The following PIKFYVE variants were observed in gnomAD, a reference collection of about 807,000 sequenced individuals.
PIKFYVE encodes 1-phosphatidylinositol 3-phosphate 5-kinase.
In PIKFYVE, 122 loss-of-function variants were observed where a neutral mutation model predicts 257.9. That is an observed-to-expected ratio of 0.47 (90% confidence interval 0.41 to 0.55). PIKFYVE has a LOEUF of 0.55. PIKFYVE is among the 20% of genes least tolerant of loss of function. PIKFYVE has a pLI of 0.00. For synonymous variants in PIKFYVE, 892 were observed against 868.9 expected (o/e 1.03, Z -0.47); for missense variants, 2,160 against 2,536.6 (o/e 0.85, Z 3.19).
chr2:208,270,729 A>G (rs1689310373), intron 1 of PIKFYVE, among the ~76,000 whole-genome samples: 1 of 152,278 alleles, frequency 6.6e-6, no homozygotes, highest in Non-Finnish European at 1.5e-5. Flanking sequence ...TTTTTATATT[A>G]CTTTTTAAAA....
chr2:208,285,255 C>T (rs951855185), intron 5 of PIKFYVE, among the ~76,000 whole-genome samples: 1 of 152,000 alleles, frequency 6.6e-6, no homozygotes, highest in Admixed American at 6.6e-5. Flanking sequence ...GTTACCATGC[C>T]CGGCTAATTT....
intron 3 of PIKFYVE, among the ~76,000 whole-genome samples, chr2:208,275,358 A>G (rs958064724): frequency 1.3e-5 from 2 of 152,216 alleles, no homozygotes; most frequent in Admixed American, 1.3e-4. Flanking sequence ...CTACTTTCTT[A>G]TATTCCTAAT....
intron 3 of PIKFYVE, among the ~76,000 whole-genome samples, chr2:208,274,776 T>C (rs527527230): frequency 1.6e-4 from 24 of 151,818 alleles, no homozygotes; most frequent in Admixed American, 3.3e-4. Context: ...TTTTAACTTT[T>C]AACCTCAATA....
At chr2:208,283,018 T>G (rs1691036359) in intron 5 of PIKFYVE, among the ~76,000 whole-genome samples, 1 of 152,182 alleles carries the variant, frequency 6.6e-6, no homozygotes, top group African/African-American at 2.4e-5. Flanking sequence ...AATGCCCGTT[T>G]GTGTATGGCT....
rs755270024 is a variant in PIKFYVE, at chr2:208,330,577, T to C, written c.3846T>C (p.Ile1282=). 3.1e-6 allele frequency: 5 copies of C among 1,614,214 alleles called. No individual in the cohort carries two copies. The highest frequency in any genetic ancestry group is 4.2e-6 in the Non-Finnish European group (5 of 1,180,046). The change falls in exon 23 of 42, where the codon ATT becomes ATC. Residue 1282 remains isoleucine (I), a synonymous_variant. Transcript: ENST00000264380. ...GTGATACCCCCATGGTACATCATAT[T>C]CGGCGCTTTGTTCATGGCCAAGGCT... is the stretch of plus-strand genomic sequence containing the variant. The part of the protein sequence containing the change: ...MFCDTPMVHH[I]RRFVHGQGCV...
At chr2:208,272,901 A>G (rs1180313905) in intron 2 of PIKFYVE, among the ~76,000 whole-genome samples, 1 of 152,188 alleles carries the variant, frequency 6.6e-6, no homozygotes, top group Non-Finnish European at 1.5e-5. Context: ...AACATTTTAC[A>G]TTAGTCTGGT....
chr2:208,353,768 T>G, intron 39 of PIKFYVE, 130 bp from the exon 40 acceptor site: 1 of 1,069,162 alleles, frequency 9.4e-7, no homozygotes. Flanking sequence ...GATTCAATTT[T>G]CAGTTAAACT....
rs1336592118 is a variant in PIKFYVE, at chr2:208,350,752, A to T, written c.5435-19A>T. The T allele has an allele frequency of 6.2e-7, 1 of 1,613,500 alleles. No individual in the cohort carries two copies. Among genetic ancestry groups the T allele is most frequent in the East Asian group, 2.2e-5 (1 of 44,898 alleles). On this transcript the variant is annotated intron_variant, in intron 36 of 41. Transcript: ENST00000264380. ...TTCTGAGTCATAAAGCTTTTTAAAA[A>T]AACTTCTGTTGTTTATAGAATTTTC...
chr2:208,306,788 T>TC (rs1384023061), intron 12 of PIKFYVE, among the ~76,000 whole-genome samples: 1,544 of 69,300 alleles, frequency 0.022, 21 homozygotes, highest in African/African-American at 0.06. Context: ...TTTTTTTTTT[T>TC]TTTCTAAGAG....
At chr2:208,269,391 A>G (rs552609574) in intron 1 of PIKFYVE, 24 of 223,978 alleles carry the variant, frequency 1.1e-4, no homozygotes, top group South Asian at 7.5e-4. Context: ...TGCTGTCCTC[A>G]TGTCCTGCCA....
At chr2:208,323,132 T>A (rs1341479075) in intron 17 of PIKFYVE, among the ~76,000 whole-genome samples, 5 of 151,296 alleles carry the variant, frequency 3.3e-5, no homozygotes, top group Non-Finnish European at 7.4e-5. Flanking sequence ...TAGTATACTT[T>A]AAGTTTTAGG....
At chr2:208,317,743 A>AT in intron 15 of PIKFYVE, 124 bp from the exon 16 acceptor site, 2 of 894,028 alleles carry the variant, frequency 2.2e-6, no homozygotes, top group Non-Finnish European at 1.8e-6. Context: ...ATTTCCTGAA[A>AT]TTTTTTGTTC....
chr2:208,297,808 C>T (rs749771189), intron 7 of PIKFYVE, among the ~76,000 whole-genome samples: 1 of 149,728 alleles, frequency 6.7e-6, no homozygotes, highest in Admixed American at 6.6e-5. Flanking sequence ...TCTAGTTACC[C>T]TTTCTTTTAA....
chr2:208,276,439 C>T (rs1690117777), intron 3 of PIKFYVE, among the ~76,000 whole-genome samples: 2 of 152,130 alleles, frequency 1.3e-5, no homozygotes, highest in African/African-American at 4.8e-5. Context: ...AGTGATGTTC[C>T]CATTCCAGGC....
chr2:208,347,867 G>A lies in PIKFYVE; in HGVS notation c.5218G>A (p.Ala1740Thr), dbSNP rs751508692. The A allele has an allele frequency of 6.2e-7, 1 of 1,612,696 alleles. No homozygotes were observed. Among genetic ancestry groups the A allele is most frequent in the South Asian group, 1.1e-5 (1 of 91,020 alleles). Residue 1740 changes from alanine (A) to threonine (T), a missense_variant, in exon 35 of 42, where the codon GCT becomes ACT. Physicochemically the swap from Ala to Thr is moderately conservative, Grantham distance 58. Coordinates refer to ENST00000264380, the MANE Select transcript of PIKFYVE (RefSeq NM_015040.4). ...TTACTTCTTATTTTTAGCCAAAAAG[G>A]CTTCTGGAATGTTGTCCTTCTTCAG... ...TETEPQPTKK[A>T]SGMLSFFRGT...
At chr2:208,340,256 A>G in intron 31 of PIKFYVE, 125 bp downstream of exon 31, 1 of 1,249,124 alleles carries the variant, frequency 8.0e-7, no homozygotes, top group Non-Finnish European at 1.1e-6. Flanking sequence ...TCATTTTAGT[A>G]AAAGAGATGT....
intron 7 of PIKFYVE, among the ~76,000 whole-genome samples, chr2:208,289,249 T>TG (rs1691982549): frequency 6.6e-6 from 1 of 152,184 alleles, no homozygotes; most frequent in Non-Finnish European, 1.5e-5. Flanking sequence ...CTGAGTGAGA[T>TG]GGGAAGCTGT....
intron 1 of PIKFYVE, among the ~76,000 whole-genome samples, chr2:208,267,658 C>T (rs1688833501): frequency 6.6e-6 from 1 of 152,028 alleles, no homozygotes; most frequent in Non-Finnish European, 1.5e-5. Flanking sequence ...AGGCGCGCGA[C>T]ACCACACTCG....
intron 12 of PIKFYVE, 111 bp downstream of exon 12, chr2:208,305,124 T>C: frequency 6.4e-7 from 1 of 1,559,314 alleles, no homozygotes; most frequent in Non-Finnish European, 8.7e-7. Context: ...CTGAGGGTAT[T>C]TGGTGTGGGT....
Sources: gnomAD v4.1 joint callset for allele counts (sites outside exome capture counted in the v4.1 genomes callset) on GRCh38, gnomAD v4.1.1 for gene constraint, MANE v1.5 for transcripts, NCBI Gene and HGNC (gene_info 2026-07-23, HGNC 2026-07-21) for gene names.